Variants in SGSM1 observed in about 807,000 individuals in gnomAD.
The protein encoded by SGSM1 is small G protein signaling modulator 1.
A neutral mutation model predicts 133.8 loss-of-function variants in SGSM1; 73 were observed. The ratio of observed to expected loss-of-function variants is 0.55; its 90% CI spans 0.45 to 0.66. The LOEUF (loss-of-function observed/expected upper bound fraction) is 0.66, where lower values mean the gene tolerates loss of function less well. Among genes scored for constraint, SGSM1 ranks in the 30% least tolerant of loss-of-function variants. The probability of loss-of-function intolerance (pLI) is 0.00; values close to 1 mark genes in which losing one functional copy is unlikely to be tolerated. For missense variants in SGSM1, 1,213 were observed against 1,448.1 expected (o/e 0.84, Z 2.64); for synonymous variants, 563 against 573.0 (o/e 0.98, Z 0.25).
intron 10 of SGSM1, 30 bp from the exon 11 acceptor site, chr22:24,868,346 T>C: frequency 6.3e-7 from 1 of 1,594,544 alleles, no homozygotes; most frequent in Non-Finnish European, 8.6e-7. Context: ...TGACTTCCAC[T>C]GGGTCTTCTC....
At position 24,898,236 on chromosome 22, in the gene SGSM1, G is replaced by C; in HGVS notation, c.2287G>C (p.Glu763Gln). 2.5e-6 allele frequency: 4 copies of C among 1,613,576 alleles called. No individual in the cohort carries two copies. Among genetic ancestry groups the C allele is most frequent in the Non-Finnish European group, 3.4e-6 (4 of 1,179,590 alleles). The stretch of plus-strand genomic sequence containing the variant: ...CAGCGTGGATGACAGGCAGAGCAGC[G>C]AGGCCACCACATCTCAGGATGAGGC... The part of the protein sequence containing the change: ...DGSVDDRQSS[E>Q]ATTSQDEAPR... The change falls in exon 19 of 25, where the codon GAG becomes CAG. Residue 763 changes from glutamate (E) to glutamine (Q), a missense_variant. Coordinates refer to ENST00000400358, the MANE Select transcript of SGSM1 (RefSeq NM_001098497.3).
At chr22:24,838,929 C>CAAA (rs139655) in intron 2 of SGSM1, among the ~76,000 whole-genome samples, 60,402 of 146,876 alleles carry the variant, frequency 0.41, 12,427 homozygotes, top group African/African-American at 0.45. Flanking sequence ...TATGTTTCTG[C>CAAA]AAAAAAAAAA....
intron 4 of SGSM1, among the ~76,000 whole-genome samples, chr22:24,849,288 T>A (rs1930321373): frequency 6.7e-6 from 1 of 150,180 alleles, no homozygotes; most frequent in South Asian, 2.1e-4. Context: ...GTGCGGTGGC[T>A]CATGCCTGTA....
At chr22:24,895,340 G>C (rs1438602069) in intron 18 of SGSM1, 49 bp downstream of exon 18, 19 of 1,576,916 alleles carry the variant, frequency 1.2e-5, no homozygotes, top group Non-Finnish European at 1.6e-5. Context: ...TCTCCCTTCT[G>C]CCTGGGGTCA....
At chr22:24,855,771 CATTCATCCATTT>C in intron 8 of SGSM1, 91 bp downstream of exon 8, 1 of 1,594,306 alleles carries the variant, frequency 6.3e-7, no homozygotes, top group Non-Finnish European at 8.6e-7. Context: ...ATTGCCAATC[CATTCATCCATTT>C]ATGCACTCAC....
intron 3 of SGSM1, among the ~76,000 whole-genome samples, chr22:24,845,941 TTTTCTTTCTTTCTTTCTTTCTTTC>T (rs200470528): frequency 0.044 from 5,054 of 115,628 alleles, 146 homozygotes; most frequent in South Asian, 0.11. Flanking sequence ...TTTTCTTTTC[TTTTCTTTCTTTCTTTCTTTCTTTC>T]TTTCTTTCTT....
In SGSM1 at chr22:24,904,270, A is replaced by G. The variant is rs118043117; in HGVS notation, c.2736-835A>G. Among the ~76,000 whole-genome samples, 1,691 of 152,270 alleles carry G rather than the reference A, an allele frequency of 0.011. 102 individuals carry two copies. The East Asian group carries it at 0.18, about 17-fold the overall frequency. On this transcript the variant is annotated intron_variant, in intron 20 of 24. Transcript: ENST00000400358. ...TGAAATGGGATAGTCCATGTTTCAC[A>G]TGACTATTTTGAAAATAGTGGGTTG...
At chr22:24,909,316 C>T (rs975034397) in intron 21 of SGSM1, among the ~76,000 whole-genome samples, 6 of 152,084 alleles carry the variant, frequency 3.9e-5, no homozygotes, top group Non-Finnish European at 5.9e-5. Context: ...CAGTGAGATA[C>T]CACTTCATAT....
chr22:24,887,107 T>TTGTGTGTGTGTGTGTGTGTGTGTG lies in SGSM1; in HGVS notation c.1770+387_1770+410dup, dbSNP rs60431385. On this transcript the variant is annotated intron_variant, in intron 16 of 24. Transcript: ENST00000400358. ...CTTTCCCAGTTTTACTTGTACTTAT[T>TTGTGTGTGTGTGTGTGTGTGTGTG]TGTGTGTGTGTGTGTGTGTGTGTGT... 1.7e-4 allele frequency among the ~76,000 whole-genome samples: 24 copies of TTGTGTGTGTGTGTGTGTGTGTGTG among 145,310 alleles called. No homozygotes were observed. The South Asian group carries it at 3.9e-3, about 24-fold the overall frequency.
Position 24,806,268 on chromosome 22 carries a change from G to A in SGSM1, c.-58G>A. 3.6e-6 allele frequency: 5 copies of A among 1,395,678 alleles called. No homozygotes were observed. The highest frequency in any genetic ancestry group is 6.6e-5 in the Admixed American group (2 of 30,528). The allele number at this position is 1,395,678 out of a possible 1,614,324, so 86.5% of individuals were successfully genotyped here. A position where few individuals can be genotyped will look rare whatever the true frequency, so the allele number is the denominator to read the frequency against. On this transcript the variant is annotated 5_prime_UTR_variant, in exon 1 of 25. Transcript: ENST00000400358. The stretch of plus-strand genomic sequence containing the variant: ...CAGCAGCAGCGCCGCGGCCGGAGGA[G>A]CTACCGCCGCCACCGCCGCCACCGC...
At chr22:24,840,783 C>T (rs564217949) in intron 2 of SGSM1, among the ~76,000 whole-genome samples, 2 of 152,280 alleles carry the variant, frequency 1.3e-5, no homozygotes, top group South Asian at 2.1e-4. Flanking sequence ...TAAGTTCCTT[C>T]TTAGCACTGC....
intron 22 of SGSM1, among the ~76,000 whole-genome samples, chr22:24,915,122 C>T (rs58270471): frequency 0.02 from 2,979 of 152,072 alleles, 100 homozygotes; most frequent in African/African-American, 0.068. Context: ...CTAGCTACTC[C>T]GGAGGCTGAG....
chr22:24,814,846 C>T (rs1169841075), intron 2 of SGSM1, among the ~76,000 whole-genome samples: 1 of 152,196 alleles, frequency 6.6e-6, no homozygotes, highest in East Asian at 1.9e-4. Flanking sequence ...AAGGGACAAG[C>T]CCTCTAATGG....
chr22:24,891,936 G>C (rs1932821665), intron 16 of SGSM1, among the ~76,000 whole-genome samples: 1 of 152,170 alleles, frequency 6.6e-6, no homozygotes, highest in African/African-American at 2.4e-5. Context: ...GGTTTAGGGA[G>C]GGGCAGGAAG....
At chr22:24,893,082 AG>A (rs901858494) in intron 16 of SGSM1, among the ~76,000 whole-genome samples, 112 of 136,970 alleles carry the variant, frequency 8.2e-4, no homozygotes, top group East Asian at 3.1e-3. Flanking sequence ...AAGGAAGCGG[AG>A]GGGGGGGAGG....
chr22:24,919,781 GCC>G (rs762201646), intron 23 of SGSM1, 43 bp from the exon 24 acceptor site: 1 of 1,609,470 alleles, frequency 6.2e-7, no homozygotes, highest in Non-Finnish European at 8.5e-7. Context: ...AACACTGTGA[GCC>G]CCGTCACCAA....
chr22:24,908,519 C>G (rs772518737), intron 21 of SGSM1, among the ~76,000 whole-genome samples: 42 of 152,210 alleles, frequency 2.8e-4, no homozygotes, highest in Admixed American at 5.2e-4. Context: ...AAAAGACAAC[C>G]TGGCCAGGCG....
intron 22 of SGSM1, 83 bp downstream of exon 22, chr22:24,912,835 G>GACT: frequency 1.1e-6 from 1 of 871,586 alleles, no homozygotes; most frequent in South Asian, 1.6e-5. Flanking sequence ...GAGCTATTTA[G>GACT]AGCCCACCTG....
chr22:24,898,645 C>T (rs1933001383), intron 19 of SGSM1, 86 bp downstream of exon 19: 1 of 1,333,484 alleles, frequency 7.5e-7, no homozygotes, highest in African/African-American at 1.5e-5. Context: ...TCCAGAATGA[C>T]CCCGGAGTCA....
Sources: gnomAD v4.1 joint callset for allele counts (sites outside exome capture counted in the v4.1 genomes callset) on GRCh38, gnomAD v4.1.1 for gene constraint, MANE v1.5 for transcripts, NCBI Gene and HGNC (gene_info 2026-07-23, HGNC 2026-07-21) for gene names.